CRTC3: variants seen among roughly 807,000 people sequenced by gnomAD.
The protein encoded by CRTC3 is CREB-regulated transcription coactivator 3.
A neutral mutation model predicts 74.5 loss-of-function variants in CRTC3; 26 were observed. The observed-to-expected ratio is 0.35, with a 90% confidence interval of 0.26 to 0.48. The LOEUF is 0.48. CRTC3 is among the 20% of genes least tolerant of loss of function. The probability of loss-of-function intolerance (pLI) is 0.99; values close to 1 mark genes in which losing one functional copy is unlikely to be tolerated. For missense variants in CRTC3, 760 were observed against 787.3 expected (o/e 0.97, Z 0.41); for synonymous variants, 377 against 325.8 (o/e 1.16, Z -1.69).
At chr15:90,532,351 C>G (rs1322844908) in intron 1 of CRTC3, among the ~76,000 whole-genome samples, 1 of 152,182 alleles carries the variant, frequency 6.6e-6, no homozygotes, top group South Asian at 2.1e-4. Context: ...ATGAAGAATG[C>G]GTCTCTAAGG....
chr15:90,642,342 T>A lies in CRTC3; in HGVS notation c.*202T>A, dbSNP rs74481650. ...ACAGCTTTGTACTGCCTCTCCCGCC[T>A]GTGGCCAAAGTCGTGTTGCAGCAGG... On this transcript the variant is annotated 3_prime_UTR_variant, in exon 15 of 15. Transcript: ENST00000268184. The A allele has an allele frequency of 7.8e-3, 4,543 of 581,392 alleles. 165 individuals carry two copies. The highest frequency in any genetic ancestry group is 0.075 in the African/African-American group (4,014 of 53,706). The allele number at this position is 581,392 out of a possible 1,614,324, so 36.0% of individuals were successfully genotyped here.
rs1969486217 is a variant in CRTC3, at chr15:90,642,508, C to CCA, written c.*370_*371dup. ...GTAGCATTGTGTAGTGTGCTCAGAA[C>CCA]CACTGATCTCCGTCCGCACCGAAGG... On this transcript the variant is annotated 3_prime_UTR_variant, in exon 15 of 15. Coordinates refer to ENST00000268184, the MANE Select transcript of CRTC3 (RefSeq NM_022769.5). 2.3e-5 allele frequency: 8 copies of CCA among 353,890 alleles called. No homozygotes were observed. Among genetic ancestry groups the CCA allele is most frequent in the Non-Finnish European group, 4.2e-5 (8 of 189,720 alleles). 21.9% of individuals were successfully genotyped at this position (353,890 alleles called of 1,614,324 possible). A position where few individuals can be genotyped will look rare whatever the true frequency, so the allele number is the denominator to read the frequency against.
chr15:90,642,854 G>A lies in CRTC3; in HGVS notation c.*714G>A, dbSNP rs1053743402. The A allele has an allele frequency of 1.3e-5, 3 of 232,850 alleles. No individual in the cohort carries two copies. Among genetic ancestry groups the A allele is most frequent in the Non-Finnish European group, 2.5e-5 (3 of 117,800 alleles). The allele number at this position is 232,850 out of a possible 1,614,324, so 14.4% of individuals were successfully genotyped here. ...ATCAGTCACTGAAAAGAGTCCCCTG[G>A]CACTGATGAGCCTGAAGAGAACTGT... On this transcript the variant is annotated 3_prime_UTR_variant, in exon 15 of 15. Transcript: ENST00000268184.
intron 2 of CRTC3, among the ~76,000 whole-genome samples, chr15:90,584,099 T>C (rs572609720): frequency 6.6e-6 from 1 of 152,262 alleles, no homozygotes; most frequent in African/African-American, 2.4e-5. Context: ...TCCTTTGTTA[T>C]TTAGACTTGT....
intron 2 of CRTC3, among the ~76,000 whole-genome samples, chr15:90,588,305 G>GTC: frequency 6.6e-6 from 1 of 150,840 alleles, no homozygotes; most frequent in Middle Eastern, 3.6e-3. Flanking sequence ...ATTTCATTCA[G>GTC]TCTCTCTCTG....
chr15:90,621,741 C>T (rs890522609), intron 9 of CRTC3, among the ~76,000 whole-genome samples: 1 of 152,176 alleles, frequency 6.6e-6, no homozygotes, highest in Admixed American at 6.5e-5. Flanking sequence ...CCATGCCTGG[C>T]CAACCTGGAG....
chr15:90,534,588 G>C (rs1011842109), intron 1 of CRTC3, among the ~76,000 whole-genome samples: 1 of 111,162 alleles, frequency 9.0e-6, no homozygotes, highest in Non-Finnish European at 2.1e-5. Flanking sequence ...GTTTTAATTA[G>C]GGCTAACAAT....
At position 90,642,306 on chromosome 15, in the gene CRTC3, C is replaced by G. The variant is rs577764134; in HGVS notation, c.*166C>G. On this transcript the variant is annotated 3_prime_UTR_variant, in exon 15 of 15. Coordinates refer to ENST00000268184, the MANE Select transcript of CRTC3 (RefSeq NM_022769.5). ...ATCCCATCTCAGACACTGTGGCTTC[C>G]TCCAGATCACACAGCTTTGTACTGC... is the stretch of plus-strand genomic sequence containing the variant. 1.6e-6 allele frequency: 1 copy of G among 626,540 alleles called. No homozygotes were observed. The highest frequency in any genetic ancestry group is 1.8e-5 in the African/African-American group (1 of 54,660). The allele number at this position is 626,540 out of a possible 1,614,324, so 38.8% of individuals were successfully genotyped here. A position where few individuals can be genotyped will look rare whatever the true frequency, so the allele number is the denominator to read the frequency against.
rs1275131821 is a variant in CRTC3, at chr15:90,643,225, G to A, written c.*1085G>A. 1.9e-4 allele frequency: 45 copies of A among 232,528 alleles called. 1 individual carries two copies. In the East Asian group the frequency reaches 2.7e-3, roughly 14 times the overall value. The allele number at this position is 232,528 out of a possible 1,614,324, so 14.4% of individuals were successfully genotyped here. A position where few individuals can be genotyped will look rare whatever the true frequency, so the allele number is the denominator to read the frequency against. ...ACCGTGCGTGCAGCGCATGATGAAT[G>A]AGTGCGTCCGCCATGCCGTAAGGCA... On this transcript the variant is annotated 3_prime_UTR_variant, in exon 15 of 15. Transcript: ENST00000268184.
chr15:90,632,906 A>C (rs989885542), intron 11 of CRTC3, among the ~76,000 whole-genome samples: 4 of 152,190 alleles, frequency 2.6e-5, no homozygotes, highest in African/African-American at 9.6e-5. Context: ...ACCCAGCCTA[A>C]CCATGTTGTT....
intron 2 of CRTC3, among the ~76,000 whole-genome samples, chr15:90,543,134 G>GGA (rs1555446109): frequency 8.0e-5 from 10 of 124,250 alleles, no homozygotes; most frequent in Admixed American, 5.9e-4. Flanking sequence ...TGTCTCTACT[G>GGA]AAAAAAAAAA....
intron 11 of CRTC3, among the ~76,000 whole-genome samples, chr15:90,633,785 G>C (rs1969130340): frequency 6.6e-6 from 1 of 150,660 alleles, no homozygotes; most frequent in Admixed American, 6.6e-5. Flanking sequence ...CTCCTCTTTT[G>C]CTTCTCTGTG....
intron 2 of CRTC3, among the ~76,000 whole-genome samples, chr15:90,572,469 G>A (rs1967293967): frequency 6.6e-6 from 1 of 152,102 alleles, no homozygotes; most frequent in Admixed American, 6.6e-5. Flanking sequence ...TAAAATTAAG[G>A]TAGATATTAC....
At position 90,585,934 on chromosome 15, in the gene CRTC3, G is replaced by A. The variant is rs554192994; in HGVS notation, c.232-7702G>A. Among the ~76,000 whole-genome samples the A allele has an allele frequency of 2.6e-5, 4 of 152,188 alleles. No individual in the cohort carries two copies. In the South Asian group the frequency reaches 6.2e-4, roughly 24 times the overall value. Reference sequence around the variant, plus strand: ...TATTTAGGGGCTTTCTTTGCTTTCTGGCTCACCACTGAGATGGTTGAAATT... The same window carrying A: ...TATTTAGGGGCTTTCTTTGCTTTCTAGCTCACCACTGAGATGGTTGAAATT... On this transcript the variant is annotated intron_variant, in intron 2 of 14. Transcript: ENST00000268184.
Position 90,642,335 on chromosome 15 carries a change from T to TG in CRTC3, c.*195_*196insG. Reference sequence around the variant, plus strand: ...AGATCACACAGCTTTGTACTGCCTCTCCCGCCTGTGGCCAAAGTCGTGTTG... The same window carrying TG: ...AGATCACACAGCTTTGTACTGCCTCTGCCCGCCTGTGGCCAAAGTCGTGTTG... On this transcript the variant is annotated 3_prime_UTR_variant, in exon 15 of 15. Coordinates refer to ENST00000268184, the MANE Select transcript of CRTC3 (RefSeq NM_022769.5). The TG allele has an allele frequency of 1.7e-6, 1 of 587,824 alleles. No individual in the cohort carries two copies. Among genetic ancestry groups the TG allele is most frequent in the South Asian group, 2.1e-5 (1 of 48,570 alleles). 36.4% of individuals were successfully genotyped at this position (587,824 alleles called of 1,614,324 possible).
At chr15:90,603,271 G>A (rs6496705) in intron 4 of CRTC3, among the ~76,000 whole-genome samples, 96,827 of 145,342 alleles carry the variant, frequency 0.67, 33,168 homozygotes, top group South Asian at 0.77. Flanking sequence ...GTGAAACCCC[G>A]TCTCCACTAA....
intron 9 of CRTC3, among the ~76,000 whole-genome samples, chr15:90,620,573 G>A (rs868199765): frequency 1.3e-5 from 2 of 152,122 alleles, no homozygotes; most frequent in African/African-American, 2.4e-5. Flanking sequence ...GGTGTGCTGC[G>A]TGGGACGGTA....
chr15:90,570,882 CAGCAAAATGTTCCCTG>C (rs970199689), intron 2 of CRTC3, among the ~76,000 whole-genome samples: 4 of 151,978 alleles, frequency 2.6e-5, no homozygotes, highest in African/African-American at 9.7e-5. Flanking sequence ...CAGCAGAGTG[CAGCAAAATGTTCCCTG>C]ACCAAAACGA....
chr15:90,542,181 ATT>A (rs59433275), intron 2 of CRTC3, among the ~76,000 whole-genome samples: 26 of 139,670 alleles, frequency 1.9e-4, no homozygotes, highest in Admixed American at 3.6e-4. Flanking sequence ...AGTCCACTTA[ATT>A]TTTTTTTTTT....
Sources: allele counts gnomAD v4.1 joint callset (sites outside exome capture counted in the v4.1 genomes callset), GRCh38; gene constraint gnomAD v4.1.1; transcripts MANE v1.5; gene names NCBI Gene and HGNC (gene_info 2026-07-23, HGNC 2026-07-21).